The following PDZD2 variants were observed in gnomAD, a reference collection of about 807,000 sequenced individuals.
PDZD2 encodes the protein PDZ domain-containing protein 2.
Under a neutral mutation model 220.7 loss-of-function variants are expected in PDZD2, and 90 were observed. The observed-to-expected ratio is 0.41, with a 90% CI of 0.34 to 0.49. PDZD2 has a LOEUF of 0.49. Among genes scored for constraint, PDZD2 ranks in the 20% least tolerant of loss-of-function variants. The pLI, the probability that PDZD2 is intolerant of heterozygous loss-of-function variation, is 0.28. For missense variants in PDZD2, 3,174 were observed against 3,608.5 expected, an observed-to-expected ratio of 0.88 and a Z score of 3.08; for synonymous variants, 1,375 against 1,450.5, an observed-to-expected ratio of 0.95 and a Z score of 1.18.
Position 32,024,504 on chromosome 5 carries a change from G to A in PDZD2, c.1408-12727G>A, listed in dbSNP as rs191780025. Among the ~76,000 whole-genome samples the A allele has an allele frequency of 1.5e-3, 226 of 152,106 alleles. 1 individual carries two copies. Among genetic ancestry groups the A allele is most frequent in the Non-Finnish European group, 2.5e-3 (172 of 67,978 alleles). On this transcript the variant is annotated intron_variant, in intron 6 of 24. Coordinates refer to ENST00000438447, the MANE Select transcript of PDZD2 (RefSeq NM_178140.4). The stretch of plus-strand genomic sequence containing the variant: ...TTGAGACCAATATGGCCAACATGGC[G>A]AAACCTCGTCTCTACTAAAACTACA...
intron 2 of PDZD2, among the ~76,000 whole-genome samples, chr5:31,964,552 C>T (rs989961740): frequency 2.0e-5 from 3 of 152,138 alleles, no homozygotes; most frequent in African/African-American, 7.2e-5. Context: ...GGATGCCTTT[C>T]ATCCAACCTG....
chr5:31,855,056 C>G lies in PDZD2; in HGVS notation c.476+55332C>G, dbSNP rs1230685436. 8.1e-6 allele frequency: 8 copies of G among 985,212 alleles called. No individual in the cohort carries two copies. In the South Asian group the frequency reaches 1.4e-4, roughly 17 times the overall value. 61.0% of individuals were successfully genotyped at this position (985,212 alleles called of 1,614,324 possible). On this transcript the variant is annotated intron_variant, in intron 2 of 24. Coordinates refer to ENST00000438447, the MANE Select transcript of PDZD2 (RefSeq NM_178140.4). The stretch of plus-strand genomic sequence containing the variant: ...AGGTGATTAGGCTAATGAGCTGCCC[C>G]GGGGGCGCGGAGACCGGCCTGGCGA...
At chr5:31,904,456 C>G (rs1742438666) in intron 2 of PDZD2, among the ~76,000 whole-genome samples, 1 of 152,192 alleles carries the variant, frequency 6.6e-6, no homozygotes, top group Non-Finnish European at 1.5e-5. Context: ...ATTAATATTG[C>G]TATTATCATA....
intron 14 of PDZD2, among the ~76,000 whole-genome samples, chr5:32,068,456 C>A (rs1740422062): frequency 6.6e-6 from 1 of 152,204 alleles, no homozygotes; most frequent in African/African-American, 2.4e-5. Context: ...TTACATAGTT[C>A]AGCTGACATT....
chr5:31,984,980 G>A (rs903782252), intron 3 of PDZD2, among the ~76,000 whole-genome samples: 1 of 152,092 alleles, frequency 6.6e-6, no homozygotes, highest in African/African-American at 2.4e-5. Flanking sequence ...CTTCATTTGA[G>A]GAGCTGGGTG....
intron 6 of PDZD2, among the ~76,000 whole-genome samples, chr5:32,032,146 G>A (rs529598532): frequency 6.6e-6 from 1 of 152,174 alleles, no homozygotes; most frequent in Admixed American, 6.5e-5. Flanking sequence ...TGAAGTAAAC[G>A]TGGGGGAGAG....
chr5:31,733,813 A>G (rs920088636), intron 1 of PDZD2, among the ~76,000 whole-genome samples: 1 of 152,158 alleles, frequency 6.6e-6, no homozygotes, highest in Non-Finnish European at 1.5e-5. Context: ...CTCTCACTCA[A>G]CACAACACAG....
chr5:31,768,877 G>T lies in PDZD2; in HGVS notation c.-360-30012G>T, dbSNP rs115311456. On this transcript the variant is annotated intron_variant, in intron 1 of 24. Coordinates refer to ENST00000438447, the MANE Select transcript of PDZD2 (RefSeq NM_178140.4). ...TGAGAACCAATAGCGCTCCAACTTCGCTGTGGTAATACTGGGAATCCTTGT... is the reference window on the plus strand; with the variant it reads ...TGAGAACCAATAGCGCTCCAACTTCTCTGTGGTAATACTGGGAATCCTTGT... 8.2e-3 allele frequency among the ~76,000 whole-genome samples: 1,247 copies of T among 152,250 alleles called. 16 individuals carry two copies. The highest frequency in any genetic ancestry group is 0.029 in the African/African-American group (1,196 of 41,546).
chr5:31,717,807 C>T (rs970587442), intron 1 of PDZD2, among the ~76,000 whole-genome samples: 3 of 152,102 alleles, frequency 2.0e-5, no homozygotes, highest in Non-Finnish European at 2.9e-5. Flanking sequence ...GGAGGGAAGG[C>T]GGGAGCCCTT....
intron 1 of PDZD2, among the ~76,000 whole-genome samples, chr5:31,650,541 C>T (rs1745311886): frequency 6.6e-6 from 1 of 152,152 alleles, no homozygotes; most frequent in Non-Finnish European, 1.5e-5. Context: ...ACCCAGATTC[C>T]CAGTGTACTA....
chr5:31,757,638 G>A (rs1488753256), intron 1 of PDZD2, among the ~76,000 whole-genome samples: 1 of 152,050 alleles, frequency 6.6e-6, no homozygotes, highest in Admixed American at 6.5e-5. Flanking sequence ...AGTGGCTAGT[G>A]TGGCTAATTG....
At chr5:31,698,515 C>T (rs1747473923) in intron 1 of PDZD2, among the ~76,000 whole-genome samples, 1 of 149,710 alleles carries the variant, frequency 6.7e-6, no homozygotes, top group African/African-American at 2.5e-5. Flanking sequence ...AGGAGAATGG[C>T]GGGAACCCAG....
intron 1 of PDZD2, among the ~76,000 whole-genome samples, chr5:31,702,784 G>C (rs1273703858): frequency 6.6e-6 from 1 of 152,206 alleles, no homozygotes. Context: ...TGTGTTCCCT[G>C]GTTGATAGTG....
At chr5:32,076,098 C>T (rs1028450323) in intron 18 of PDZD2, among the ~76,000 whole-genome samples, 3 of 152,010 alleles carry the variant, frequency 2.0e-5, no homozygotes, top group Non-Finnish European at 2.9e-5. Context: ...CCAGCCTGGC[C>T]AACATGGCAA....
chr5:31,706,675 C>T (rs1032255799), intron 1 of PDZD2, among the ~76,000 whole-genome samples: 4 of 152,066 alleles, frequency 2.6e-5, no homozygotes, highest in African/African-American at 9.7e-5. Context: ...GAAACCCCGT[C>T]TCTATTACAA....
intron 1 of PDZD2, among the ~76,000 whole-genome samples, chr5:31,754,061 C>A (rs186470474): frequency 6.6e-6 from 1 of 152,324 alleles, no homozygotes; most frequent in African/African-American, 2.4e-5. Flanking sequence ...GTATCACAGG[C>A]TTTTTCTTTT....
chr5:31,725,700 C>T, intron 1 of PDZD2: 3 of 922,656 alleles, frequency 3.3e-6, no homozygotes, highest in Non-Finnish European at 5.4e-6. Flanking sequence ...TTAGAGATGC[C>T]TCTAGTTTTG....
At position 32,089,798 on chromosome 5, in the gene PDZD2, G is replaced by A. The variant is rs763101419; in HGVS notation, c.6350G>A (p.Gly2117Glu). The stretch of plus-strand genomic sequence containing the variant: ...CCAGCTGAAAGCGACAGACGGGGAG[G>A]GTGCTTGGCCCAGGGCAACTGTCAG... ...NKPAESDRRG[G>E]CLAQGNCQEK... The change falls in exon 20 of 25, where the codon GGG becomes GAG. Residue 2117 changes from glycine to glutamate, a missense_variant. Transcript: ENST00000438447. 3.7e-6 allele frequency: 6 copies of A among 1,614,076 alleles called. No individual in the cohort carries two copies. The highest frequency in any genetic ancestry group is 2.7e-5 in the African/African-American group (2 of 74,952).
chr5:31,807,895 A>T (rs185657385), intron 2 of PDZD2, among the ~76,000 whole-genome samples: 1 of 152,288 alleles, frequency 6.6e-6, no homozygotes, highest in African/African-American at 2.4e-5. Context: ...GTCAGAAGTC[A>T]CCTTCAGCAC....
Sources: gnomAD v4.1 joint callset for allele counts (sites outside exome capture counted in the v4.1 genomes callset) on GRCh38, gnomAD v4.1.1 for gene constraint, MANE v1.5 for transcripts, NCBI Gene and HGNC (gene_info 2026-07-23, HGNC 2026-07-21) for gene names.